LDB2: variants seen among roughly 807,000 people sequenced by gnomAD.
LDB2 encodes LIM domain-binding protein 2.
Under a neutral mutation model 44.3 loss-of-function variants are expected in LDB2, and 12 were observed. That is an observed-to-expected ratio of 0.27 (90% CI 0.17 to 0.44). The LOEUF is 0.44. LDB2 is among the 20% of genes least tolerant of loss of function. The probability of loss-of-function intolerance (pLI) is 1.00; values close to 1 mark genes in which losing one functional copy is unlikely to be tolerated. For missense variants in LDB2, 344 were observed against 473.5 expected (o/e 0.73, Z 2.54); for synonymous variants, 164 against 174.8 (o/e 0.94, Z 0.49).
intron 2 of LDB2, among the ~76,000 whole-genome samples, chr4:16,687,882 TG>T (rs1257545678): frequency 6.6e-6 from 1 of 152,128 alleles, no homozygotes; most frequent in Non-Finnish European, 1.5e-5. Context: ...AGCAAAAATA[TG>T]GGGGCAAAAC....
chr4:16,740,737 T>C (rs1763086441), intron 2 of LDB2, among the ~76,000 whole-genome samples: 1 of 152,244 alleles, frequency 6.6e-6, no homozygotes, highest in Non-Finnish European at 1.5e-5. Flanking sequence ...GTGACAATTA[T>C]TCTGTCTGCC....
intron 2 of LDB2, among the ~76,000 whole-genome samples, chr4:16,596,396 G>A (rs1456198793): frequency 2.0e-5 from 3 of 152,052 alleles, no homozygotes; most frequent in African/African-American, 7.2e-5. Flanking sequence ...TCCCAAGAGA[G>A]TGCAGGACTG....
chr4:16,816,045 TA>T (rs772159231), intron 1 of LDB2, among the ~76,000 whole-genome samples: 12 of 152,034 alleles, frequency 7.9e-5, no homozygotes, highest in Non-Finnish European at 1.6e-4. Context: ...CTGTCTCTAT[TA>T]AAAATACAAA....
intron 1 of LDB2, among the ~76,000 whole-genome samples, chr4:16,848,580 C>A (rs1787553975): frequency 6.6e-6 from 1 of 152,152 alleles, no homozygotes; most frequent in East Asian, 1.9e-4. Flanking sequence ...CATATTAACC[C>A]TCCTCAGCTT....
intron 2 of LDB2, among the ~76,000 whole-genome samples, chr4:16,687,349 T>G (rs947601693): frequency 4.6e-5 from 7 of 152,192 alleles, no homozygotes; most frequent in Non-Finnish European, 1.0e-4. Flanking sequence ...GCTCTCTCTC[T>G]CGCTCTCTAC....
intron 3 of LDB2, among the ~76,000 whole-genome samples, chr4:16,592,837 C>T (rs1372935719): frequency 6.6e-6 from 1 of 152,006 alleles, no homozygotes; most frequent in Non-Finnish European, 1.5e-5. Flanking sequence ...AGAATGTACC[C>T]TAGAAAGTGT....
At chr4:16,515,323 A>G (rs148627072) in intron 5 of LDB2, among the ~76,000 whole-genome samples, 1 of 152,216 alleles carries the variant, frequency 6.6e-6, no homozygotes, top group African/African-American at 2.4e-5. Context: ...ATCAGGTACT[A>G]TGTTCACTAT....
chr4:16,831,770 C>G (rs150815640), intron 1 of LDB2, among the ~76,000 whole-genome samples: 274 of 152,272 alleles, frequency 1.8e-3, no homozygotes, highest in African/African-American at 6.3e-3. Context: ...TCTCTGGAAA[C>G]TAAGTGTGAC....
intron 1 of LDB2, among the ~76,000 whole-genome samples, chr4:16,821,053 A>G (rs1781873254): frequency 6.6e-6 from 1 of 152,194 alleles, no homozygotes; most frequent in Non-Finnish European, 1.5e-5. Context: ...ATTGCTTTAC[A>G]GCTATAAAAG....
intron 1 of LDB2, among the ~76,000 whole-genome samples, chr4:16,846,215 G>C (rs1368099326): frequency 6.6e-6 from 1 of 151,874 alleles, no homozygotes; most frequent in Non-Finnish European, 1.5e-5. Flanking sequence ...CACTCCCTAA[G>C]ACCTCCGCCC....
chr4:16,672,912 C>CT (rs1274018186), intron 2 of LDB2, among the ~76,000 whole-genome samples: 7 of 147,056 alleles, frequency 4.8e-5, no homozygotes, highest in Non-Finnish European at 7.5e-5. Flanking sequence ...CTCTCCTTAT[C>CT]TTTTTTCTCT....
At position 16,845,326 on chromosome 4, in the gene LDB2, T is replaced by A. The variant is rs536730888; in HGVS notation, c.132+53028A>T. ...CATGTCATCGAGATCTCCTCTCAGC[T>A]CTTTCTGTGACTATCCCATGGCCGC... On this transcript the variant is annotated intron_variant, in intron 1 of 7. Coordinates refer to ENST00000304523, the MANE Select transcript of LDB2 (RefSeq NM_001290.5). Among the ~76,000 whole-genome samples the A allele has an allele frequency of 2.0e-5, 3 of 152,304 alleles. No homozygotes were observed. The East Asian group carries it at 5.8e-4, about 29-fold the overall frequency.
Position 16,779,391 on chromosome 4 carries a change from G to C in LDB2, c.133-20131C>G, listed in dbSNP as rs551532782. ...TAAGTGCGCTTTCGAAGCATGCATG[G>C]CCTGGGTCTGCCTGCAGATCTTTTC... On this transcript the variant is annotated intron_variant, in intron 1 of 7. Coordinates refer to ENST00000304523, the MANE Select transcript of LDB2 (RefSeq NM_001290.5). 8.5e-5 allele frequency among the ~76,000 whole-genome samples: 13 copies of C among 152,254 alleles called. 1 individual carries two copies. In the South Asian group the frequency reaches 1.5e-3, roughly 17 times the overall value.
chr4:16,680,152 C>T (rs910311151), intron 2 of LDB2, among the ~76,000 whole-genome samples: 2 of 152,110 alleles, frequency 1.3e-5, no homozygotes, highest in African/African-American at 4.8e-5. Flanking sequence ...TCTGTCATGC[C>T]GGGATACAGC....
At position 16,830,919 on chromosome 4, in the gene LDB2, G is replaced by C. The variant is rs989196088; in HGVS notation, c.132+67435C>G. Among the ~76,000 whole-genome samples the C allele has an allele frequency of 2.6e-5, 4 of 152,282 alleles. No individual in the cohort carries two copies. The Middle Eastern group carries it at 0.014, about 518-fold the overall frequency. On this transcript the variant is annotated intron_variant, in intron 1 of 7. Coordinates refer to ENST00000304523, the MANE Select transcript of LDB2 (RefSeq NM_001290.5). ...GGGTTGAGAATAAGGGCTCCTGATG[G>C]TTCCAGCAGAGAGAGAACCTAGAAG...
intron 1 of LDB2, among the ~76,000 whole-genome samples, chr4:16,890,356 G>T (rs962676873): frequency 6.6e-6 from 1 of 152,160 alleles, no homozygotes; most frequent in Non-Finnish European, 1.5e-5. Flanking sequence ...TGGAAAGGGG[G>T]GGCACGGAGT....
intron 5 of LDB2, among the ~76,000 whole-genome samples, chr4:16,556,340 C>A (rs1474362564): frequency 6.6e-6 from 1 of 152,156 alleles, no homozygotes; most frequent in Non-Finnish European, 1.5e-5. Context: ...AAATGCCTGG[C>A]ACATAGTAAG....
intron 1 of LDB2, among the ~76,000 whole-genome samples, chr4:16,868,086 C>G (rs1715292377): frequency 6.6e-6 from 1 of 152,148 alleles, no homozygotes; most frequent in Non-Finnish European, 1.5e-5. Context: ...TCACATTAGA[C>G]TCGTTTATCT....
intron 2 of LDB2, among the ~76,000 whole-genome samples, chr4:16,603,042 T>C (rs1722976975): frequency 6.6e-6 from 1 of 152,192 alleles, no homozygotes; most frequent in Non-Finnish European, 1.5e-5. Context: ...TTTCGACATA[T>C]TCAGGTTATT....
Sources: gnomAD v4.1 joint callset for allele counts (sites outside exome capture counted in the v4.1 genomes callset) on GRCh38, gnomAD v4.1.1 for gene constraint, MANE v1.5 for transcripts, NCBI Gene and HGNC (gene_info 2026-07-23, HGNC 2026-07-21) for gene names.